The following PTK2B variants were observed in gnomAD, a reference collection of about 807,000 sequenced individuals.
The protein encoded by PTK2B is protein-tyrosine kinase 2-beta.
Under a neutral mutation model 142.9 loss-of-function variants are expected in PTK2B, and 71 were observed. The observed-to-expected ratio is 0.50, with a 90% CI of 0.41 to 0.61. The LOEUF (loss-of-function observed/expected upper bound fraction) is 0.61, where lower values mean the gene tolerates loss of function less well. Ranked by LOEUF, PTK2B falls within the 20% of genes least tolerant of loss-of-function variation. PTK2B has a pLI of 0.00. For synonymous variants in PTK2B, 519 were observed against 503.4 expected (o/e 1.03, Z -0.42); for missense variants, 1,105 against 1,320.4 (o/e 0.84, Z 2.53).
At chr8:27,430,522 C>T (rs568007224) in intron 7 of PTK2B, 104 bp downstream of exon 7, 28 of 1,462,516 alleles carry the variant, frequency 1.9e-5, no homozygotes, top group Non-Finnish European at 2.4e-5. Context: ...AGGGTATCTG[C>T]GCGGCCTCGG....
At position 27,405,070 on chromosome 8, in the gene PTK2B, T is replaced by TCTCTCTCTCTCTCTCTCTCTC. The variant is rs1554498574; in HGVS notation, c.204+7282_204+7283insCTCTCTCTCTCTCTCTCTCTC. Among the ~76,000 whole-genome samples, 10 of 62,974 alleles carry TCTCTCTCTCTCTCTCTCTCTC rather than the reference T, an allele frequency of 1.6e-4. 1 individual carries two copies. The highest frequency in any genetic ancestry group is 2.8e-4 in the Non-Finnish European group (8 of 28,914). 41.3% of individuals were successfully genotyped at this position (62,974 alleles called of 152,430 possible). ...TCTCTCTCTCTCTCTCTCTCTCTCT[T>TCTCTCTCTCTCTCTCTCTCTC]AGCCATGTGAGGACAGAAGGAGAAG... On this transcript the variant is annotated intron_variant, in intron 2 of 30. Transcript: ENST00000346049.
At chr8:27,360,680 CTG>C (rs1213699053) in intron 1 of PTK2B, among the ~76,000 whole-genome samples, 4 of 152,194 alleles carry the variant, frequency 2.6e-5, no homozygotes, top group Non-Finnish European at 5.9e-5. Context: ...CCCCAATACA[CTG>C]TGAACTACCA....
At chr8:27,311,431 A>G, upstream of PTK2B, 2 of 679,330 alleles carry the variant, frequency 2.9e-6, no homozygotes, top group South Asian at 4.2e-5. Context: ...AGCCCCACCC[A>G]CTTCCGGTGT....
intron 2 of PTK2B, among the ~76,000 whole-genome samples, chr8:27,415,839 A>G (rs1487208906): frequency 6.6e-6 from 1 of 152,236 alleles, no homozygotes; most frequent in African/African-American, 2.4e-5. Flanking sequence ...CCTATACAAT[A>G]TATATGTTGA....
At chr8:27,341,706 C>A (rs2130082583) in intron 1 of PTK2B, among the ~76,000 whole-genome samples, 1 of 152,224 alleles carries the variant, frequency 6.6e-6, no homozygotes, top group South Asian at 2.1e-4. Flanking sequence ...CAGGGTCTTG[C>A]TCTGTTGCCC....
chr8:27,370,926 G>C (rs1806315859), intron 1 of PTK2B, among the ~76,000 whole-genome samples: 1 of 151,576 alleles, frequency 6.6e-6, no homozygotes. Context: ...TTTTTTTTGA[G>C]GCAGAGTTGC....
chr8:27,451,373 G>C, intron 26 of PTK2B, 112 bp from the exon 27 acceptor site: 1 of 1,526,968 alleles, frequency 6.5e-7, no homozygotes, highest in Non-Finnish European at 8.8e-7. Context: ...CCGACCCCAT[G>C]GCTGTAATCT....
intron 3 of PTK2B, among the ~76,000 whole-genome samples, chr8:27,319,719 A>T (rs1482167208): frequency 6.6e-6 from 1 of 152,108 alleles, no homozygotes; most frequent in Non-Finnish European, 1.5e-5. Context: ...TAGCAATAGC[A>T]AGGAAATGCA....
At chr8:27,311,379 T>A, upstream of PTK2B, 5 of 1,084,642 alleles carry the variant, frequency 4.6e-6, no homozygotes, top group Non-Finnish European at 6.3e-6. Context: ...TGGCCAATCG[T>A]GCGGGGGGGA....
At chr8:27,342,341 C>T (rs757664930) in intron 1 of PTK2B, among the ~76,000 whole-genome samples, 59 of 151,712 alleles carry the variant, frequency 3.9e-4, no homozygotes, top group Non-Finnish European at 5.9e-4. Context: ...TGCCAGAGTG[C>T]AGCAGTGTAA....
chr8:27,445,453 T>C (rs1811407077), intron 23 of PTK2B, among the ~76,000 whole-genome samples: 1 of 152,178 alleles, frequency 6.6e-6, no homozygotes, highest in African/African-American at 2.4e-5. Context: ...TATAAATTGG[T>C]GTGTTAACCA....
intron 8 of PTK2B, 132 bp downstream of exon 8, chr8:27,431,148 GC>G (rs1586307072): frequency 6.7e-7 from 1 of 1,486,986 alleles, no homozygotes; most frequent in African/African-American, 1.4e-5. Context: ...TCGCTGACCT[GC>G]CGTCGGTGGA....
intron 4 of PTK2B, among the ~76,000 whole-genome samples, chr8:27,421,078 C>T (rs1045857983): frequency 1.3e-5 from 2 of 152,190 alleles, no homozygotes; most frequent in African/African-American, 4.8e-5. Flanking sequence ...CTGTTGTCCA[C>T]TAATCTAGCT....
At chr8:27,378,626 T>C (rs923511969) in intron 1 of PTK2B, among the ~76,000 whole-genome samples, 9 of 146,282 alleles carry the variant, frequency 6.2e-5, no homozygotes, top group African/African-American at 2.5e-4. Context: ...TGTGTGTGTG[T>C]GTGTGTGTGT....
intron 1 of PTK2B, among the ~76,000 whole-genome samples, chr8:27,353,870 G>GGTGTCA (rs1805246814): frequency 6.6e-6 from 1 of 152,168 alleles, no homozygotes; most frequent in African/African-American, 2.4e-5. Flanking sequence ...GGGAAAGGCA[G>GGTGTCA]GTGTCACACC....
chr8:27,366,807 T>A (rs1175664212), intron 1 of PTK2B, among the ~76,000 whole-genome samples: 1 of 151,072 alleles, frequency 6.6e-6, no homozygotes, highest in African/African-American at 2.4e-5. Context: ...GCTGTGTGGC[T>A]GTGTGTGGAG....
At position 27,403,540 on chromosome 8, in the gene PTK2B, G is replaced by T. The variant is rs74800977; in HGVS notation, c.204+5752G>T. On this transcript the variant is annotated intron_variant, in intron 2 of 30. Coordinates refer to ENST00000346049, the MANE Select transcript of PTK2B (RefSeq NM_173176.3). ...ATGAGAAATTGATTTTGCTCTTCTG[G>T]ATTTTCTATTTCCTTTTTGTTTGAT... Among the ~76,000 whole-genome samples the T allele has an allele frequency of 8.5e-3, 1,298 of 152,262 alleles. 54 individuals carry two copies. Among genetic ancestry groups the T allele is most frequent in the Admixed American group, 0.055 (847 of 15,296 alleles).
intron 1 of PTK2B, among the ~76,000 whole-genome samples, chr8:27,330,197 C>T (rs971210281): frequency 1.3e-5 from 2 of 152,112 alleles, no homozygotes; most frequent in African/African-American, 2.4e-5. Flanking sequence ...ATAATAGCGT[C>T]GAAGTACAAT....
intron 1 of PTK2B, among the ~76,000 whole-genome samples, chr8:27,337,746 C>T (rs141855629): frequency 6.6e-6 from 1 of 152,228 alleles, no homozygotes; most frequent in Non-Finnish European, 1.5e-5. Context: ...GTGGATATGC[C>T]ATATTTTGTT....
Sources: allele counts gnomAD v4.1 joint callset (sites outside exome capture counted in the v4.1 genomes callset), GRCh38; gene constraint gnomAD v4.1.1; transcripts MANE v1.5; gene names NCBI Gene and HGNC (gene_info 2026-07-23, HGNC 2026-07-21).